Variants in PTPRD observed in about 807,000 individuals in gnomAD.
The protein encoded by PTPRD is protein tyrosine phosphatase receptor type D, also known as receptor-type tyrosine-protein phosphatase delta.
PTPRD carries 34 observed loss-of-function variants against 214.5 expected under a neutral mutation model. That is an observed-to-expected ratio of 0.16 (90% confidence interval 0.12 to 0.21). The LOEUF is 0.21. Among genes scored for constraint, PTPRD ranks in the 10% least tolerant of loss-of-function variants. The probability of loss-of-function intolerance (pLI) is 1.00; values close to 1 mark genes in which losing one functional copy is unlikely to be tolerated. For missense variants in PTPRD, 2,545 were observed against 2,398.7 expected, an observed-to-expected ratio of 1.06 and a Z score of -1.27; for synonymous variants, 1,128 against 845.7, an observed-to-expected ratio of 1.33 and a Z score of -5.79.
chr9:10,090,845 T>G (rs559385949), intron 3 of PTPRD, among the ~76,000 whole-genome samples: 9 of 148,720 alleles, frequency 6.1e-5, no homozygotes, highest in African/African-American at 2.0e-4. Flanking sequence ...TCAATCACCA[T>G]GTAATATCTT....
chr9:9,825,453 AAGAG>A (rs749245448), intron 5 of PTPRD, among the ~76,000 whole-genome samples: 3 of 151,374 alleles, frequency 2.0e-5, no homozygotes, highest in African/African-American at 4.8e-5. Flanking sequence ...AAGAAAGAGA[AAGAG>A]AGAAAGAAAG....
At chr9:9,239,014 C>A (rs1244732790) in intron 9 of PTPRD, among the ~76,000 whole-genome samples, 2 of 152,140 alleles carry the variant, frequency 1.3e-5, no homozygotes, top group South Asian at 4.1e-4. Flanking sequence ...ACAGCCTCCA[C>A]AAGATTGAGC....
chr9:9,535,071 AT>A (rs574076081), intron 8 of PTPRD, among the ~76,000 whole-genome samples: 61 of 152,106 alleles, frequency 4.0e-4, no homozygotes, highest in Admixed American at 3.3e-3. Context: ...GGAAAAGTAG[AT>A]TTGCTTTTCT....
intron 12 of PTPRD, among the ~76,000 whole-genome samples, chr9:8,654,050 G>C (rs1400066148): frequency 1.3e-5 from 2 of 152,238 alleles, no homozygotes; most frequent in East Asian, 3.9e-4. Context: ...CCTGTGCATT[G>C]CAAGAGATTG....
At chr9:8,605,114 C>T (rs577615941) in intron 14 of PTPRD, among the ~76,000 whole-genome samples, 9 of 152,348 alleles carry the variant, frequency 5.9e-5, no homozygotes, top group Non-Finnish European at 7.3e-5. Context: ...CCCAACCCAA[C>T]TGCCACAAAT....
rs1012818088 is a variant in PTPRD at position 8,829,531 on chromosome 9, A to T, written c.-103-95585T>A. Among the ~76,000 whole-genome samples the T allele has an allele frequency of 4.6e-5, 7 of 152,234 alleles. No individual in the cohort carries two copies. The South Asian group carries it at 1.5e-3, about 32-fold the overall frequency. ...CGTGACTTTTTTGGAAGGTTATTAT[A>T]ATCCTATGGAAATCTTTATCATAAC... On this transcript the variant is annotated intron_variant, in intron 11 of 45. Coordinates refer to ENST00000381196, the MANE Select transcript of PTPRD (RefSeq NM_002839.4).
chr9:9,740,951 T>A (rs1252660607), intron 6 of PTPRD, among the ~76,000 whole-genome samples: 1 of 152,126 alleles, frequency 6.6e-6, no homozygotes, highest in East Asian at 1.9e-4. Flanking sequence ...AGGTTCATTG[T>A]GGAAATAGAT....
chr9:10,305,742 C>T (rs1424502960), intron 3 of PTPRD, among the ~76,000 whole-genome samples: 2 of 151,904 alleles, frequency 1.3e-5, no homozygotes, highest in East Asian at 3.9e-4. Flanking sequence ...ACTTCAGTTA[C>T]AATGGCAATA....
intron 2 of PTPRD, among the ~76,000 whole-genome samples, chr9:10,548,114 A>T (rs552363259): frequency 6.6e-6 from 1 of 152,200 alleles, no homozygotes; most frequent in African/African-American, 2.4e-5. Flanking sequence ...TAAAAAGCTT[A>T]AAAAAAGAGG....
At chr9:8,411,583 C>A (rs1210448853) in intron 35 of PTPRD, among the ~76,000 whole-genome samples, 5 of 152,162 alleles carry the variant, frequency 3.3e-5, no homozygotes, top group Admixed American at 6.5e-5. Context: ...AGGTTACAGG[C>A]GTGAGTCACT....
chr9:9,165,668 T>C (rs2099901856), intron 10 of PTPRD, among the ~76,000 whole-genome samples: 1 of 152,176 alleles, frequency 6.6e-6, no homozygotes, highest in Non-Finnish European at 1.5e-5. Context: ...CTGTACATAT[T>C]AAAATAACTT....
rs202096293 is a variant in PTPRD, at chr9:9,936,410, C to T, written c.-368+2097G>A. Among the ~76,000 whole-genome samples the T allele has an allele frequency of 1.9e-3, 294 of 151,882 alleles. 1 individual carries two copies. The highest frequency in any genetic ancestry group is 0.014 in the East Asian group (74 of 5,138). ...AAAAACAACCCAATTAAAAAGTGGG[C>T]GAAGGACATGAACAGACACTTCTCA... is the stretch of plus-strand genomic sequence containing the variant. On this transcript the variant is annotated intron_variant, in intron 5 of 45. Transcript: ENST00000381196.
chr9:10,066,850 T>G (rs939127693), intron 3 of PTPRD, among the ~76,000 whole-genome samples: 1 of 151,972 alleles, frequency 6.6e-6, no homozygotes, highest in Non-Finnish European at 1.5e-5. Context: ...TCTCACAATA[T>G]TTGTACTGTC....
chr9:10,386,289 T>C (rs1484346885), intron 2 of PTPRD, among the ~76,000 whole-genome samples: 2 of 151,902 alleles, frequency 1.3e-5, no homozygotes. Context: ...AAACAGAAAT[T>C]TCCCCTCCTT....
chr9:10,568,057 C>T (rs894751285), intron 2 of PTPRD, among the ~76,000 whole-genome samples: 5 of 151,382 alleles, frequency 3.3e-5, no homozygotes, highest in Non-Finnish European at 5.9e-5. Flanking sequence ...TGTTGGTGTG[C>T]TGCACCCATT....
chr9:9,858,499 AT>A (rs1383684501), intron 5 of PTPRD, among the ~76,000 whole-genome samples: 1 of 152,172 alleles, frequency 6.6e-6, no homozygotes, highest in Non-Finnish European at 1.5e-5. Context: ...ATGTGCCAAC[AT>A]TCTCACATTC....
At chr9:9,459,499 A>G (rs1696560676) in intron 8 of PTPRD, among the ~76,000 whole-genome samples, 3 of 152,150 alleles carry the variant, frequency 2.0e-5, no homozygotes, top group Admixed American at 1.3e-4. Context: ...AATGATTTCA[A>G]TAAATTTTCA....
chr9:9,090,305 G>A (rs547473843), intron 10 of PTPRD, among the ~76,000 whole-genome samples: 3 of 152,120 alleles, frequency 2.0e-5, no homozygotes, highest in African/African-American at 4.8e-5. Flanking sequence ...GTGAGAACAC[G>A]CAATATTTGT....
intron 10 of PTPRD, among the ~76,000 whole-genome samples, chr9:9,139,771 T>G (rs2099856947): frequency 6.6e-6 from 1 of 152,158 alleles, no homozygotes. Flanking sequence ...TAATTGAAAC[T>G]GCAGAAAGTG....
Sources: gnomAD v4.1 joint callset for allele counts (sites outside exome capture counted in the v4.1 genomes callset) on GRCh38, gnomAD v4.1.1 for gene constraint, MANE v1.5 for transcripts, NCBI Gene and HGNC (gene_info 2026-07-23, HGNC 2026-07-21) for gene names.